Variants in CTNNA3 observed in about 807,000 individuals in gnomAD.
The protein encoded by CTNNA3 is catenin alpha-3.
A neutral mutation model predicts 95.7 loss-of-function variants in CTNNA3; 76 were observed. The ratio of observed to expected loss-of-function variants is 0.79; its 90% CI spans 0.66 to 0.96. The LOEUF is 0.96. Among genes scored for constraint, CTNNA3 ranks in the 40% least tolerant of loss-of-function variants. The probability of loss-of-function intolerance (pLI) is 0.00; values close to 1 mark genes in which losing one functional copy is unlikely to be tolerated. For missense variants in CTNNA3, 1,191 were observed against 1,089.8 expected (o/e 1.09, Z -1.31); for synonymous variants, 431 against 374.4 (o/e 1.15, Z -1.74).
At chr10:66,913,000 G>A (rs1031806190) in intron 7 of CTNNA3, among the ~76,000 whole-genome samples, 6 of 152,050 alleles carry the variant, frequency 3.9e-5, no homozygotes, top group African/African-American at 9.7e-5. Flanking sequence ...AGCACTTTGG[G>A]AGGCCGAGGC....
At chr10:67,064,011 T>A (rs1855916970) in intron 7 of CTNNA3, among the ~76,000 whole-genome samples, 1 of 152,178 alleles carries the variant, frequency 6.6e-6, no homozygotes, top group South Asian at 2.1e-4. Flanking sequence ...GTCATCTCCC[T>A]CTATGCACGT....
intron 7 of CTNNA3, among the ~76,000 whole-genome samples, chr10:66,933,844 T>C (rs1415775672): frequency 6.6e-6 from 1 of 152,188 alleles, no homozygotes; most frequent in Non-Finnish European, 1.5e-5. Context: ...CTTACCAATA[T>C]GAAGTAGCAG....
At position 66,568,407 on chromosome 10, in the gene CTNNA3, T is replaced by C. The variant is rs775721346; in HGVS notation, c.1375-47634A>G. On this transcript the variant is annotated intron_variant, in intron 10 of 17. Transcript: ENST00000433211. Reference sequence around the variant, plus strand: ...AAATATGAAAATAAGGCAATTTCAATGTATGAGTTATATCCCTTAAGTTCA... The same window carrying C: ...AAATATGAAAATAAGGCAATTTCAACGTATGAGTTATATCCCTTAAGTTCA... 4.6e-5 allele frequency among the ~76,000 whole-genome samples: 7 copies of C among 152,182 alleles called. 1 individual carries two copies. The highest frequency in any genetic ancestry group is 1.0e-4 in the Non-Finnish European group (7 of 68,034).
chr10:66,929,034 T>C (rs192181358), intron 7 of CTNNA3, among the ~76,000 whole-genome samples: 1 of 152,288 alleles, frequency 6.6e-6, no homozygotes, highest in Non-Finnish European at 1.5e-5. Flanking sequence ...CTGAGCAGTT[T>C]CCAGAGGTGT....
chr10:66,331,891 G>T (rs531183552), intron 12 of CTNNA3, among the ~76,000 whole-genome samples: 1 of 152,078 alleles, frequency 6.6e-6, no homozygotes, highest in Admixed American at 6.5e-5. Context: ...ATTACCTTGG[G>T]CAGCATGGCC....
At chr10:66,209,595 G>A (rs990124164) in intron 13 of CTNNA3, among the ~76,000 whole-genome samples, 7 of 152,030 alleles carry the variant, frequency 4.6e-5, no homozygotes, top group Admixed American at 2.0e-4. Context: ...GAAGTTAATG[G>A]AATAAACAAA....
At chr10:66,504,582 T>G (rs1227772105) in intron 11 of CTNNA3, among the ~76,000 whole-genome samples, 1 of 152,172 alleles carries the variant, frequency 6.6e-6, no homozygotes, top group Non-Finnish European at 1.5e-5. Context: ...GGCTCATTGG[T>G]AGGTAGGAAC....
intron 13 of CTNNA3, among the ~76,000 whole-genome samples, chr10:66,121,307 T>A (rs2082561798): frequency 6.6e-6 from 1 of 152,214 alleles, no homozygotes; most frequent in Non-Finnish European, 1.5e-5. Flanking sequence ...ATGTTATTGC[T>A]TATAAATCTC....
chr10:67,492,976 T>C (rs2133082937), intron 5 of CTNNA3, among the ~76,000 whole-genome samples: 1 of 152,312 alleles, frequency 6.6e-6, no homozygotes. Context: ...TCCTCTACAA[T>C]TAACAATTTT....
chr10:67,281,567 G>A (rs1839402656), intron 5 of CTNNA3, among the ~76,000 whole-genome samples: 3 of 151,946 alleles, frequency 2.0e-5, no homozygotes, highest in African/African-American at 4.8e-5. Flanking sequence ...TTTATAATTT[G>A]CAGATATCTT....
At chr10:67,505,432 G>A (rs74391991) in intron 5 of CTNNA3, among the ~76,000 whole-genome samples, 2 of 152,066 alleles carry the variant, frequency 1.3e-5, no homozygotes, top group Non-Finnish European at 2.9e-5. Flanking sequence ...ACATGTGGTG[G>A]ACCATTACAT....
intron 11 of CTNNA3, among the ~76,000 whole-genome samples, chr10:66,474,941 G>C (rs970787899): frequency 1.3e-5 from 2 of 151,922 alleles, no homozygotes; most frequent in African/African-American, 4.8e-5. Flanking sequence ...GAGTTCAGTT[G>C]AGTTCCTTAT....
chr10:66,978,542 A>AT (rs1554890292), intron 7 of CTNNA3, among the ~76,000 whole-genome samples: 1 of 68,640 alleles, frequency 1.5e-5, no homozygotes. Flanking sequence ...AAAAAAAAAA[A>AT]AAAAAAAAAA....
intron 3 of CTNNA3, among the ~76,000 whole-genome samples, chr10:67,572,908 C>A (rs906051034): frequency 2.0e-4 from 30 of 152,060 alleles, no homozygotes; most frequent in African/African-American, 6.7e-4. Context: ...GGCAACATGG[C>A]AAAACCTTGT....
At chr10:66,751,232 C>T (rs1453218812) in intron 9 of CTNNA3, among the ~76,000 whole-genome samples, 4 of 152,084 alleles carry the variant, frequency 2.6e-5, no homozygotes, top group African/African-American at 4.8e-5. Flanking sequence ...TGTGCCACTG[C>T]ACTGCAACCT....
At chr10:66,688,562 T>C (rs1019761923) in intron 9 of CTNNA3, among the ~76,000 whole-genome samples, 4 of 152,270 alleles carry the variant, frequency 2.6e-5, no homozygotes, top group Middle Eastern at 3.4e-3. Context: ...AGTAGCCAAT[T>C]CACCAGTTAC....
chr10:67,083,048 C>T (rs1366033964), intron 7 of CTNNA3, among the ~76,000 whole-genome samples: 8 of 152,138 alleles, frequency 5.3e-5, no homozygotes, highest in Admixed American at 1.3e-4. Flanking sequence ...AGGTGTTCAC[C>T]TAAGGGTCAG....
intron 17 of CTNNA3, among the ~76,000 whole-genome samples, chr10:65,964,840 T>G (rs1397103820): frequency 6.6e-6 from 1 of 152,174 alleles, no homozygotes; most frequent in African/African-American, 2.4e-5. Flanking sequence ...AAAAGGAATA[T>G]ACAGTAGTTA....
chr10:66,235,229 C>T lies in CTNNA3; in HGVS notation c.1884+45241G>A, dbSNP rs1171256872. 4.6e-5 allele frequency among the ~76,000 whole-genome samples: 7 copies of T among 152,070 alleles called. No individual in the cohort carries two copies. The East Asian group carries it at 1.3e-3, about 29-fold the overall frequency. On this transcript the variant is annotated intron_variant, in intron 13 of 17. Coordinates refer to ENST00000433211, the MANE Select transcript of CTNNA3 (RefSeq NM_013266.4). ...ACCACTAAATTTGGTAGTAATGTTACATAGTAAAAAATAAGAAGTATACAA... is the reference window on the plus strand; with the variant it reads ...ACCACTAAATTTGGTAGTAATGTTATATAGTAAAAAATAAGAAGTATACAA...
Sources: allele counts gnomAD v4.1 joint callset (sites outside exome capture counted in the v4.1 genomes callset), GRCh38; gene constraint gnomAD v4.1.1; transcripts MANE v1.5; gene names NCBI Gene and HGNC (gene_info 2026-07-23, HGNC 2026-07-21).